The following BLTP1 variants were observed in gnomAD, a reference collection of about 807,000 sequenced individuals.
BLTP1 encodes fragile site-associated protein.
the BLTP1 span, among the ~76,000 whole-genome samples, chr4:122,324,822 A>G: frequency 6.6e-6 from 1 of 151,966 alleles, no homozygotes; most frequent in Non-Finnish European, 1.5e-5. Flanking sequence ...AGGATAGACA[A>G]GTTTTATGCG....
the BLTP1 span, chr4:122,281,554 A>C: frequency 1.9e-6 from 3 of 1,599,050 alleles, no homozygotes; most frequent in Non-Finnish European, 2.6e-6. Context: ...CTGTAAAAGA[A>C]GATATTGCAA....
At chr4:122,234,621 C>A in the BLTP1 span, 2 of 856,320 alleles carry the variant, frequency 2.3e-6, no homozygotes, top group Non-Finnish European at 3.4e-6. Flanking sequence ...TTTAAAAAAA[C>A]ACAGTGGGAA....
chr4:122,340,693 T>C, the BLTP1 span: 11 of 983,870 alleles, frequency 1.1e-5, no homozygotes, highest in African/African-American at 1.9e-4. Context: ...CTTTTGCTAA[T>C]GTGGTCACCC....
the BLTP1 span, chr4:122,275,954 T>C: frequency 1.3e-6 from 2 of 1,529,578 alleles, no homozygotes; most frequent in Non-Finnish European, 1.7e-6. Flanking sequence ...CCACTTTCTC[T>C]TGACTCTTCA....
the BLTP1 span, among the ~76,000 whole-genome samples, chr4:122,361,470 A>C: frequency 6.6e-6 from 1 of 152,142 alleles, no homozygotes; most frequent in South Asian, 2.1e-4. Flanking sequence ...GAACAGACTA[A>C]AATGAAGGGC....
the BLTP1 span, chr4:122,189,824 T>G: frequency 4.4e-6 from 4 of 912,540 alleles, no homozygotes; most frequent in Non-Finnish European, 5.2e-6. Flanking sequence ...GAACAATTTC[T>G]TAGGATGATT....
At chr4:122,262,986 A>G in the BLTP1 span, 2 of 1,612,636 alleles carry the variant, frequency 1.2e-6, no homozygotes, top group South Asian at 2.2e-5. Flanking sequence ...GAGAACAGGT[A>G]CGTCCTCTAG....
chr4:122,318,056 T>C, the BLTP1 span: 3 of 1,324,114 alleles, frequency 2.3e-6, no homozygotes, highest in Admixed American at 5.4e-5. Context: ...TCATCTTTGG[T>C]ATTCTGACAA....
the BLTP1 span, chr4:122,256,772 T>C: frequency 2.2e-6 from 1 of 449,944 alleles, no homozygotes; most frequent in Non-Finnish European, 2.9e-6. Flanking sequence ...AGTTACAAAT[T>C]CATCTATGTC....
At chr4:122,246,226 A>G in the BLTP1 span, 2 of 1,608,426 alleles carry the variant, frequency 1.2e-6, no homozygotes, top group Non-Finnish European at 1.7e-6. Flanking sequence ...AAGGACAAGC[A>G]CAGACAAATC....
At chr4:122,343,364 T>G in the BLTP1 span, 22 of 1,601,026 alleles carry the variant, frequency 1.4e-5, no homozygotes, top group South Asian at 2.1e-4. Context: ...TTGACTGGCC[T>G]TTTTTTCTTG....
the BLTP1 span, chr4:122,334,262 C>A: frequency 3.1e-5 from 39 of 1,271,048 alleles, no homozygotes; most frequent in South Asian, 3.3e-4. Flanking sequence ...TTCCAATGTT[C>A]TTTCTACCAC....
At chr4:122,308,054 T>G in the BLTP1 span, 1 of 1,613,548 alleles carries the variant, frequency 6.2e-7, no homozygotes, top group Non-Finnish European at 8.5e-7. Flanking sequence ...GTAGTAGATA[T>G]GCTACCTGGT....
chr4:122,334,238 AAC>A, the BLTP1 span: 19 of 1,071,228 alleles, frequency 1.8e-5, no homozygotes, highest in Admixed American at 5.4e-5. Context: ...TAAAAGTTAA[AAC>A]AGTCTTCTGA....
the BLTP1 span, among the ~76,000 whole-genome samples, chr4:122,307,164 GT>G: frequency 6.6e-6 from 1 of 152,018 alleles, no homozygotes; most frequent in South Asian, 2.1e-4. Flanking sequence ...TGGGACCCAA[GT>G]TTAAACATGA....
the BLTP1 span, among the ~76,000 whole-genome samples, chr4:122,205,237 T>A: frequency 5.8e-3 from 874 of 151,986 alleles, 4 homozygotes; most frequent in Non-Finnish European, 8.7e-3. Context: ...TACCTGTAAT[T>A]TTCCTTAGGA....
chr4:122,239,645 T>G, the BLTP1 span: 1 of 1,614,132 alleles, frequency 6.2e-7, no homozygotes, highest in Non-Finnish European at 8.5e-7. Context: ...TTGGAAGTAC[T>G]AAGAGTCTTA....
the BLTP1 span, among the ~76,000 whole-genome samples, chr4:122,352,349 GT>G: frequency 0.033 from 4,563 of 138,930 alleles, 134 homozygotes; most frequent in African/African-American, 0.099. Flanking sequence ...TTAGGTTTTG[GT>G]TTTTCTTTTT....
At chr4:122,324,800 CTG>C in the BLTP1 span, among the ~76,000 whole-genome samples, 3 of 151,918 alleles carry the variant, frequency 2.0e-5, no homozygotes, top group African/African-American at 7.2e-5. Flanking sequence ...TTACATAAAA[CTG>C]TGGTTTAGAA....
Sources: allele counts gnomAD v4.1 joint callset (sites outside exome capture counted in the v4.1 genomes callset), GRCh38; gene constraint gnomAD v4.1.1; transcripts MANE v1.5; gene names NCBI Gene and HGNC (gene_info 2026-07-23, HGNC 2026-07-21).